Variants in MARCHF8 observed in about 807,000 individuals in gnomAD.
The protein encoded by MARCHF8 is membrane associated ring-CH-type finger 8.
MARCHF8 carries 40 observed loss-of-function variants against 51.6 expected under a neutral mutation model. The ratio of observed to expected loss-of-function variants is 0.77; its 90% confidence interval spans 0.60 to 1.01. The LOEUF is 1.01. Among genes scored for constraint, MARCHF8 ranks in the 50% least tolerant of loss-of-function variants. The pLI is 0.00. For missense variants in MARCHF8, 685 were observed against 708.6 expected, an observed-to-expected ratio of 0.97 and a Z score of 0.38; for synonymous variants, 263 against 280.3, an observed-to-expected ratio of 0.94 and a Z score of 0.62.
chr10:45,512,093 C>G (rs966137614), intron 2 of MARCHF8, among the ~76,000 whole-genome samples: 1 of 151,092 alleles, frequency 6.6e-6, no homozygotes, highest in African/African-American at 2.4e-5. Context: ...AGCGCCTCTG[C>G]CCCGCCGCCC....
intron 1 of MARCHF8, among the ~76,000 whole-genome samples, chr10:45,553,563 C>T (rs183027357): frequency 5.0e-4 from 76 of 152,218 alleles, no homozygotes; most frequent in Admixed American, 9.8e-4. Context: ...TATGTATATA[C>T]AAGGTATTCA....
At chr10:45,545,255 C>A (rs760317547) in intron 1 of MARCHF8, among the ~76,000 whole-genome samples, 4 of 152,252 alleles carry the variant, frequency 2.6e-5, no homozygotes, top group Non-Finnish European at 4.4e-5. Context: ...ATCTCTCTTT[C>A]TGTGGCCCAA....
rs371784392 is a variant in MARCHF8, at chr10:45,478,656, T to C, written c.153+10711A>G. 2.0e-5 allele frequency among the ~76,000 whole-genome samples: 3 copies of C among 149,146 alleles called. No homozygotes were observed. In the East Asian group the frequency reaches 5.8e-4, roughly 29 times the overall value. The stretch of plus-strand genomic sequence containing the variant: ...AGCTAGACTAACCAAGAAAAAAAGA[T>C]AGAAGACCTAAATAAAATCTGAAAT... On this transcript the variant is annotated intron_variant, in intron 3 of 7. Transcript: ENST00000453424.
At chr10:45,475,782 A>G (rs2042776788) in intron 3 of MARCHF8, among the ~76,000 whole-genome samples, 1 of 152,086 alleles carries the variant, frequency 6.6e-6, no homozygotes, top group African/African-American at 2.4e-5. Flanking sequence ...AACCCACCTG[A>G]CCTGCTAACA....
chr10:45,551,840 T>TAC lies in MARCHF8; in HGVS notation c.-78-18553_-78-18552dup, dbSNP rs139172803. Among the ~76,000 whole-genome samples, 1,247 of 148,536 alleles carry TAC rather than the reference T, an allele frequency of 8.4e-3. 5 individuals carry two copies. The highest frequency in any genetic ancestry group is 0.028 in the Middle Eastern group (8 of 288). ...CTATCTATATATATAGGTATATCTG[T>TAC]ACACACACACACACACACACACACA... is the stretch of plus-strand genomic sequence containing the variant. On this transcript the variant is annotated intron_variant, in intron 1 of 6. Coordinates refer to the MARCHF8 transcript ENST00000319836.
At chr10:45,529,653 T>C (rs937766314) in intron 2 of MARCHF8, among the ~76,000 whole-genome samples, 4 of 152,100 alleles carry the variant, frequency 2.6e-5, no homozygotes, top group Admixed American at 6.5e-5. Flanking sequence ...GCAAAGGGCA[T>C]GAACACATAT....
At chr10:45,571,280 C>A (rs1391284077) in intron 1 of MARCHF8, among the ~76,000 whole-genome samples, 1 of 152,126 alleles carries the variant, frequency 6.6e-6, no homozygotes, top group East Asian at 1.9e-4. Flanking sequence ...GTGAAAATAG[C>A]CTGTTTCTGC....
At chr10:45,460,811 G>T (rs1325760741) in intron 6 of MARCHF8, among the ~76,000 whole-genome samples, 1 of 152,170 alleles carries the variant, frequency 6.6e-6, no homozygotes, top group Non-Finnish European at 1.5e-5. Flanking sequence ...GTTATCATGG[G>T]TGTATACAAA....
chr10:45,489,909 G>A (rs886400596), intron 2 of MARCHF8, among the ~76,000 whole-genome samples: 8 of 152,084 alleles, frequency 5.3e-5, no homozygotes, highest in Admixed American at 3.3e-4. Flanking sequence ...ATACTCAATC[G>A]GGATATCACA....
At chr10:45,520,431 A>C (rs1002110947) in intron 2 of MARCHF8, among the ~76,000 whole-genome samples, 7 of 152,354 alleles carry the variant, frequency 4.6e-5, no homozygotes, top group African/African-American at 1.7e-4. Context: ...AAATAATATC[A>C]AATTAAGTTC....
intron 3 of MARCHF8, among the ~76,000 whole-genome samples, chr10:45,486,751 C>A (rs2042986408): frequency 6.6e-6 from 1 of 150,814 alleles, no homozygotes. Flanking sequence ...TGGTTCCATG[C>A]AAATGTTAAT....
chr10:45,507,010 G>C (rs1358559351), intron 2 of MARCHF8, among the ~76,000 whole-genome samples: 1 of 152,178 alleles, frequency 6.6e-6, no homozygotes, highest in African/African-American at 2.4e-5. Flanking sequence ...TGTACACAAT[G>C]AAAGTGTACA....
At chr10:45,512,243 G>C (rs544709669) in intron 2 of MARCHF8, among the ~76,000 whole-genome samples, 2 of 150,846 alleles carry the variant, frequency 1.3e-5, no homozygotes, top group African/African-American at 4.9e-5. Flanking sequence ...CCCTCCGCCC[G>C]GCAGCCGCCC....
intron 1 of MARCHF8, among the ~76,000 whole-genome samples, chr10:45,553,728 T>C (rs1446714845): frequency 2.0e-5 from 3 of 151,706 alleles, no homozygotes; most frequent in Non-Finnish European, 4.4e-5. Flanking sequence ...GCAGGAAAAA[T>C]AGGAAGACAA....
intron 2 of MARCHF8, among the ~76,000 whole-genome samples, chr10:45,521,427 A>G (rs576365841): frequency 6.6e-6 from 1 of 152,344 alleles, no homozygotes; most frequent in South Asian, 2.1e-4. Flanking sequence ...CCTTCTTCAG[A>G]GTCGAAAACT....
chr10:45,459,344 T>G, intron 6 of MARCHF8, 77 bp from the exon 7 acceptor site: 1 of 1,478,554 alleles, frequency 6.8e-7, no homozygotes, highest in Non-Finnish European at 9.1e-7. Context: ...TGTAGGTAGG[T>G]AAGATTGGCT....
chr10:45,554,356 C>A (rs899589487), intron 1 of MARCHF8, among the ~76,000 whole-genome samples: 8 of 152,132 alleles, frequency 5.3e-5, no homozygotes, highest in African/African-American at 1.9e-4. Context: ...AAATATTTTA[C>A]CTTAAAAATA....
In MARCHF8 at chr10:45,463,684, T is replaced by C. The variant is rs1463061081; in HGVS notation, c.555A>G (p.Ile185Met). The C allele has an allele frequency of 2.6e-6, 4 of 1,550,648 alleles. No homozygotes were observed. The highest frequency in any genetic ancestry group is 3.5e-6 in the Non-Finnish European group (4 of 1,147,032). ...VERTCSEGKL[I>M]LPQDTCLRTN... ...TTCTGAGACACGTATCTTGAGGGAGTATTAATTTCCCTTCAGAACAAGTTC... is the reference window on the plus strand; with the variant it reads ...TTCTGAGACACGTATCTTGAGGGAGCATTAATTTCCCTTCAGAACAAGTTC... Residue 185 changes from isoleucine to methionine, a missense_variant, in exon 5 of 8, where the codon ATA (isoleucine) becomes ATG (methionine). Coordinates refer to ENST00000453424, the MANE Select transcript of MARCHF8 (RefSeq NM_001282866.2).
chr10:45,570,591 T>C (rs1054375288), intron 1 of MARCHF8, among the ~76,000 whole-genome samples: 1 of 152,156 alleles, frequency 6.6e-6, no homozygotes, highest in Non-Finnish European at 1.5e-5. Flanking sequence ...TACTCAACAT[T>C]ATATTATATA....
Sources: gnomAD v4.1 joint callset for allele counts (sites outside exome capture counted in the v4.1 genomes callset) on GRCh38, gnomAD v4.1.1 for gene constraint, MANE v1.5 for transcripts, NCBI Gene and HGNC (gene_info 2026-07-23, HGNC 2026-07-21) for gene names.